CHSY3: variants seen among roughly 807,000 people sequenced by gnomAD.
CHSY3 encodes the protein chondroitin sulfate synthase 3.
In CHSY3, 35 loss-of-function variants were observed where a neutral mutation model predicts 67.2. The observed-to-expected ratio is 0.52, with a 90% CI of 0.40 to 0.69. The LOEUF (loss-of-function observed/expected upper bound fraction) is 0.69, where lower values mean the gene tolerates loss of function less well. Ranked by LOEUF, CHSY3 falls within the 30% of genes least tolerant of loss-of-function variation. CHSY3 has a pLI of 0.00. For synonymous variants in CHSY3, 474 were observed against 434.7 expected, an observed-to-expected ratio of 1.09 and a Z score of -1.12; for missense variants, 1,069 against 1,138.5, an observed-to-expected ratio of 0.94 and a Z score of 0.88.
At chr5:130,130,298 C>T (rs749437411) in intron 2 of CHSY3, among the ~76,000 whole-genome samples, 1 of 152,066 alleles carries the variant, frequency 6.6e-6, no homozygotes, top group Non-Finnish European at 1.5e-5. Context: ...TTCTGACTTC[C>T]AAACTTTTCT....
At chr5:129,961,047 C>A (rs889569487) in intron 2 of CHSY3, among the ~76,000 whole-genome samples, 1 of 152,042 alleles carries the variant, frequency 6.6e-6, no homozygotes, top group African/African-American at 2.4e-5. Context: ...TGGTTGATTG[C>A]GGCAAGTCTG....
chr5:130,074,206 G>A (rs1246428727), intron 2 of CHSY3, among the ~76,000 whole-genome samples: 2 of 151,992 alleles, frequency 1.3e-5, no homozygotes, highest in African/African-American at 4.8e-5. Flanking sequence ...GAGTAGCTGG[G>A]ACTACAGTTG....
intron 2 of CHSY3, among the ~76,000 whole-genome samples, chr5:130,069,440 A>C (rs1229624549): frequency 6.6e-6 from 1 of 152,018 alleles, no homozygotes; most frequent in Admixed American, 6.6e-5. Context: ...ACTTGAGCCC[A>C]CGAGTTCAAG....
At chr5:130,088,611 A>G (rs1766757778) in intron 2 of CHSY3, among the ~76,000 whole-genome samples, 1 of 152,216 alleles carries the variant, frequency 6.6e-6, no homozygotes, top group African/African-American at 2.4e-5. Flanking sequence ...GCCAAAAAAC[A>G]CATGAAAAAA....
At chr5:130,164,297 A>T (rs868488090) in intron 2 of CHSY3, among the ~76,000 whole-genome samples, 1 of 152,174 alleles carries the variant, frequency 6.6e-6, no homozygotes, top group Admixed American at 6.6e-5. Context: ...AAACAACAGG[A>T]TAATTAGGGA....
chr5:130,080,168 A>AT (rs1766402903), intron 2 of CHSY3, among the ~76,000 whole-genome samples: 1 of 151,944 alleles, frequency 6.6e-6, no homozygotes, highest in Admixed American at 6.6e-5. Context: ...GCTACAGGTA[A>AT]TTCAATCAAT....
At chr5:130,183,159 A>G (rs73788436) in intron 2 of CHSY3, among the ~76,000 whole-genome samples, 1,766 of 151,314 alleles carry the variant, frequency 0.012, 37 homozygotes, top group African/African-American at 0.041. Context: ...ACGTATCTCG[A>G]GTGGGTATAA....
intron 2 of CHSY3, among the ~76,000 whole-genome samples, chr5:129,964,968 G>T (rs1336049310): frequency 6.6e-6 from 1 of 151,856 alleles, no homozygotes; most frequent in Admixed American, 6.6e-5. Context: ...TGCAGCCACA[G>T]TACATAGGTT....
At chr5:129,952,485 T>A (rs1018876653) in intron 2 of CHSY3, among the ~76,000 whole-genome samples, 1 of 152,220 alleles carries the variant, frequency 6.6e-6, no homozygotes, top group Non-Finnish European at 1.5e-5. Context: ...TAACTTAAGA[T>A]GCTAATTTGC....
intron 2 of CHSY3, among the ~76,000 whole-genome samples, chr5:130,005,980 A>C (rs1227407717): frequency 6.6e-6 from 1 of 152,206 alleles, no homozygotes; most frequent in Non-Finnish European, 1.5e-5. Context: ...GGCATAAGAT[A>C]TAGAACTTAG....
chr5:129,939,112 A>G (rs1221317890), intron 2 of CHSY3, among the ~76,000 whole-genome samples: 1 of 152,228 alleles, frequency 6.6e-6, no homozygotes, highest in African/African-American at 2.4e-5. Context: ...AGAAGCTTAC[A>G]GGGAAGTAGG....
intron 2 of CHSY3, among the ~76,000 whole-genome samples, chr5:129,935,646 T>G (rs189205812): frequency 9.2e-5 from 14 of 152,296 alleles, no homozygotes; most frequent in African/African-American, 3.4e-4. Flanking sequence ...TTGTTCCACT[T>G]AGAAATGAGA....
chr5:130,097,105 G>A (rs1012696099), intron 2 of CHSY3, among the ~76,000 whole-genome samples: 6 of 152,330 alleles, frequency 3.9e-5, no homozygotes, highest in African/African-American at 1.2e-4. Context: ...ATTTTGCTAG[G>A]AGATTAATAA....
At chr5:130,016,155 G>C (rs185524659) in intron 2 of CHSY3, among the ~76,000 whole-genome samples, 1 of 152,176 alleles carries the variant, frequency 6.6e-6, no homozygotes, top group African/African-American at 2.4e-5. Context: ...TGGTGATGGA[G>C]TAATTTTACA....
intron 2 of CHSY3, among the ~76,000 whole-genome samples, chr5:130,029,518 A>C (rs186703973): frequency 6.0e-4 from 92 of 152,136 alleles, no homozygotes; most frequent in Non-Finnish European, 7.2e-4. Flanking sequence ...AAGGAAATTA[A>C]ATTTACTGGG....
chr5:130,141,425 C>T (rs1467080219), intron 2 of CHSY3: 2 of 365,014 alleles, frequency 5.5e-6, no homozygotes, highest in Non-Finnish European at 1.1e-5. Context: ...TCCTGCATCC[C>T]ATGGTGTTCC....
chr5:130,180,350 C>T (rs535540710), intron 2 of CHSY3, among the ~76,000 whole-genome samples: 1 of 152,094 alleles, frequency 6.6e-6, no homozygotes, highest in East Asian at 1.9e-4. Flanking sequence ...TCTAAATAGC[C>T]TCATCAGTGT....
intron 2 of CHSY3, among the ~76,000 whole-genome samples, chr5:130,090,438 G>C (rs1766842418): frequency 6.6e-6 from 1 of 152,100 alleles, no homozygotes; most frequent in Non-Finnish European, 1.5e-5. Flanking sequence ...CACTTCTCCA[G>C]TCCACATGGT....
intron 2 of CHSY3, among the ~76,000 whole-genome samples, chr5:130,096,647 T>G (rs916778954): frequency 2.0e-5 from 3 of 152,210 alleles, no homozygotes; most frequent in Non-Finnish European, 2.9e-5. Context: ...GCTTTGATTT[T>G]TTTCACTACC....
Sources: gnomAD v4.1 joint callset for allele counts (sites outside exome capture counted in the v4.1 genomes callset) on GRCh38, gnomAD v4.1.1 for gene constraint, MANE v1.5 for transcripts, NCBI Gene and HGNC (gene_info 2026-07-23, HGNC 2026-07-21) for gene names.